Variants in SMARCC1 observed in about 807,000 individuals in gnomAD.
SMARCC1 encodes SWI/SNF complex subunit SMARCC1.
A neutral mutation model predicts 147.4 loss-of-function variants in SMARCC1; 43 were observed. That is an observed-to-expected ratio of 0.29 (90% confidence interval 0.23 to 0.38). The LOEUF is 0.38. Among genes scored for constraint, SMARCC1 ranks in the 10% least tolerant of loss-of-function variants. The pLI is 1.00. For synonymous variants in SMARCC1, 495 were observed against 484.4 expected, an observed-to-expected ratio of 1.02 and a Z score of -0.29; for missense variants, 1,119 against 1,381.1, an observed-to-expected ratio of 0.81 and a Z score of 3.01.
chr3:47,627,253 C>T (rs1450787744), intron 24 of SMARCC1, among the ~76,000 whole-genome samples: 2 of 151,422 alleles, frequency 1.3e-5, no homozygotes, highest in Non-Finnish European at 2.9e-5. Flanking sequence ...GAAAATAGTA[C>T]TGAAGGTTGA....
chr3:47,775,827 A>G (rs2034968103), intron 1 of SMARCC1, among the ~76,000 whole-genome samples: 1 of 151,346 alleles, frequency 6.6e-6, no homozygotes, highest in South Asian at 2.1e-4. Flanking sequence ...TTTGAAATAG[A>G]CCTGCTATGT....
rs1175592840 is a variant in SMARCC1, at chr3:47,635,260, T to C, written c.2576A>G (p.His859Arg). 6.2e-7 allele frequency: 1 copy of C among 1,613,726 alleles called. No homozygotes were observed. The highest frequency in any genetic ancestry group is 1.1e-5 in the South Asian group (1 of 91,074). Reference sequence around the variant, plus strand: ...GGCAACATTTCCTTCGGAAATTTCATGTTCTACTTTCTTCTTCCCAGTATC... The same window carrying C: ...GGCAACATTTCCTTCGGAAATTTCACGTTCTACTTTCTTCTTCCCAGTATC... ...ESDTGKKKVE[H>R]EISEGNVATA... is the part of the protein sequence containing the mutation. Residue 859 changes from histidine (H) to arginine (R), a missense_variant, in exon 24 of 28, where the codon CAT (histidine) becomes CGT (arginine). Physicochemically the swap from His to Arg is conservative, Grantham distance 29 (BLOSUM62 0). Transcript: ENST00000254480.
At chr3:47,740,634 G>A (rs570285939) in intron 3 of SMARCC1, among the ~76,000 whole-genome samples, 102 of 152,032 alleles carry the variant, frequency 6.7e-4, no homozygotes, top group Non-Finnish European at 1.0e-3. Context: ...CCAGTGCGCC[G>A]GCCTTTCATG....
intron 5 of SMARCC1, among the ~76,000 whole-genome samples, chr3:47,731,378 C>G (rs575207090): frequency 6.6e-6 from 1 of 152,288 alleles, no homozygotes; most frequent in Admixed American, 6.5e-5. Flanking sequence ...AAGTCTTTAA[C>G]CCCTCAAAGT....
intron 2 of SMARCC1, among the ~76,000 whole-genome samples, chr3:47,749,281 C>T (rs2034600562): frequency 6.6e-6 from 1 of 151,908 alleles, no homozygotes; most frequent in African/African-American, 2.4e-5. Context: ...CAGAGGGAGA[C>T]CCTATCTCAA....
chr3:47,648,733 T>C (rs1344781255), intron 21 of SMARCC1, among the ~76,000 whole-genome samples: 1 of 152,006 alleles, frequency 6.6e-6, no homozygotes, highest in Non-Finnish European at 1.5e-5. Context: ...GTGTAGAGTC[T>C]TCCATGGACA....
Position 47,587,856 on chromosome 3 carries a change from G to A in SMARCC1, c.*353C>T. 4.2e-6 allele frequency: 1 copy of A among 240,792 alleles called. No homozygotes were observed. The highest frequency in any genetic ancestry group is 8.1e-6 in the Non-Finnish European group (1 of 123,500). 14.9% of individuals were successfully genotyped at this position (240,792 alleles called of 1,614,324 possible). ...ATTATCCATAGAAGCATAAGACAAA[G>A]CAAAAAACTGCAAGAGAGCAAAAAT... On this transcript the variant is annotated 3_prime_UTR_variant, in exon 28 of 28. Coordinates refer to ENST00000254480, the MANE Select transcript of SMARCC1 (RefSeq NM_003074.4).
chr3:47,615,009 G>A (rs1412850987), intron 25 of SMARCC1, among the ~76,000 whole-genome samples: 1 of 152,100 alleles, frequency 6.6e-6, no homozygotes, highest in Non-Finnish European at 1.5e-5. Flanking sequence ...CAGGGCCTCT[G>A]CACTGGCTGT....
chr3:47,602,027 G>A (rs1280921830), intron 26 of SMARCC1, among the ~76,000 whole-genome samples: 1 of 152,010 alleles, frequency 6.6e-6, no homozygotes, highest in Admixed American at 6.6e-5. Context: ...TTTCGGTGTG[G>A]GGTTGAGTCC....
rs561393962 is a variant in SMARCC1, at chr3:47,686,507, A to G, written c.1264-337T>C. 7.9e-5 allele frequency among the ~76,000 whole-genome samples: 12 copies of G among 152,332 alleles called. 1 individual carries two copies. In the South Asian group the frequency reaches 2.5e-3, roughly 32 times the overall value. On this transcript the variant is annotated intron_variant, in intron 13 of 27. Transcript: ENST00000254480. ...TAACTCATAACCCAGATCTCGTTCC[A>G]TAATAGCTTGCTTCTTCCTTGTCCA...
intron 26 of SMARCC1, among the ~76,000 whole-genome samples, chr3:47,599,302 G>C (rs534353244): frequency 2.0e-5 from 3 of 152,256 alleles, no homozygotes; most frequent in Non-Finnish European, 4.4e-5. Context: ...AGAATCACTT[G>C]AACCCGGGAG....
intron 12 of SMARCC1, among the ~76,000 whole-genome samples, chr3:47,690,048 T>C (rs2033772834): frequency 6.6e-6 from 1 of 152,140 alleles, no homozygotes; most frequent in Admixed American, 6.5e-5. Flanking sequence ...AGGTAAGGCA[T>C]GATGAAGTTC....
chr3:47,649,491 C>T (rs2033159489), intron 21 of SMARCC1, among the ~76,000 whole-genome samples: 1 of 152,176 alleles, frequency 6.6e-6, no homozygotes, highest in African/African-American at 2.4e-5. Context: ...TTCTTTAACA[C>T]AGAGCTGTGA....
At position 47,635,387 on chromosome 3, in the gene SMARCC1, G is replaced by A. The variant is rs182958920; in HGVS notation, c.2492-43C>T. The stretch of plus-strand genomic sequence containing the variant: ...CTTTGTTACTAGCGTGCCCACTCTC[G>A]AAAACCCATCTTTCTCCTTACCTCC... On this transcript the variant is annotated intron_variant, in intron 23 of 27. Coordinates refer to ENST00000254480, the MANE Select transcript of SMARCC1 (RefSeq NM_003074.4). 307 of 1,565,688 alleles carry A rather than the reference G, an allele frequency of 2.0e-4. 1 individual carries two copies. The highest frequency in any genetic ancestry group is 2.3e-5 in the East Asian group (1 of 43,914).
chr3:47,706,659 A>G (rs1369009745), intron 9 of SMARCC1, 129 bp from the exon 10 acceptor site: 4 of 798,260 alleles, frequency 5.0e-6, no homozygotes, highest in South Asian at 2.9e-5. Flanking sequence ...AATAAAAAGA[A>G]TATCATTAAT....
chr3:47,755,989 TAAAAAAAA>T (rs34001771), intron 2 of SMARCC1, among the ~76,000 whole-genome samples: 37 of 22,908 alleles, frequency 1.6e-3, no homozygotes, highest in African/African-American at 5.7e-3. Flanking sequence ...GGCTTCATCT[TAAAAAAAA>T]AAAAAAAAAA....
intron 21 of SMARCC1, among the ~76,000 whole-genome samples, chr3:47,639,293 G>A (rs2033016172): frequency 6.6e-6 from 1 of 152,082 alleles, no homozygotes; most frequent in South Asian, 2.1e-4. Flanking sequence ...ATTTTGGCTA[G>A]ACAGGACACA....
intron 3 of SMARCC1, 110 bp downstream of exon 3, chr3:47,745,798 G>T: frequency 1.7e-6 from 1 of 589,758 alleles, no homozygotes; most frequent in Non-Finnish European, 2.9e-6. Context: ...TAGGGCTCTT[G>T]GTAAAACACA....
intron 12 of SMARCC1, among the ~76,000 whole-genome samples, chr3:47,689,877 A>C (rs6781193): frequency 0.01 from 1,582 of 152,344 alleles, 24 homozygotes; most frequent in African/African-American, 0.036. Flanking sequence ...AGCATGAAAG[A>C]AAGCCCAGGT....
Sources: gnomAD v4.1 joint callset for allele counts (sites outside exome capture counted in the v4.1 genomes callset) on GRCh38, gnomAD v4.1.1 for gene constraint, MANE v1.5 for transcripts, NCBI Gene and HGNC (gene_info 2026-07-23, HGNC 2026-07-21) for gene names.